RMDN2: variants seen among roughly 807,000 people sequenced by gnomAD.
RMDN2 encodes regulator of microtubule dynamics 2, also known as regulator of microtubule dynamics protein 2.
A neutral mutation model predicts 52.8 loss-of-function variants in RMDN2; 61 were observed. That is an observed-to-expected ratio of 1.16 (90% CI 0.94 to 1.43). The LOEUF is 1.43. RMDN2 is among the 40% of genes most tolerant of loss of function. RMDN2 has a pLI of 0.00. For synonymous variants in RMDN2, 180 were observed against 153.1 expected (o/e 1.18, Z -1.30); for missense variants, 592 against 475.3 (o/e 1.25, Z -2.28).
At chr2:37,997,102 A>G (rs1325995649) in intron 7 of RMDN2, among the ~76,000 whole-genome samples, 1 of 151,960 alleles carries the variant, frequency 6.6e-6, no homozygotes, top group Non-Finnish European at 1.5e-5. Flanking sequence ...ATTATTTCCC[A>G]CCCCACCCCT....
chr2:37,963,463 A>G (rs373039535), intron 2 of RMDN2, among the ~76,000 whole-genome samples: 1,867 of 152,106 alleles, frequency 0.012, 28 homozygotes, highest in African/African-American at 0.043. Context: ...AGGACCCTGC[A>G]GCCTTCCGCA....
intron 10 of RMDN2, among the ~76,000 whole-genome samples, chr2:38,042,447 A>AC (rs1681027207): frequency 8.8e-6 from 1 of 113,962 alleles, no homozygotes; most frequent in African/African-American, 2.6e-5. Context: ...CACACACCAC[A>AC]CACACACACA....
intron 10 of RMDN2, among the ~76,000 whole-genome samples, chr2:38,033,619 A>G (rs1192192111): frequency 6.6e-6 from 1 of 152,376 alleles, no homozygotes; most frequent in African/African-American, 2.4e-5. Flanking sequence ...TTCTCCGCAT[A>G]GATTAAAAGA....
chr2:37,981,566 A>T (rs1673322637), intron 5 of RMDN2, among the ~76,000 whole-genome samples: 1 of 152,222 alleles, frequency 6.6e-6, no homozygotes, highest in Non-Finnish European at 1.5e-5. Context: ...AAATTATTGA[A>T]TGAATCTACC....
At chr2:38,012,122 C>A (rs531682166) in intron 10 of RMDN2, among the ~76,000 whole-genome samples, 7 of 152,296 alleles carry the variant, frequency 4.6e-5, no homozygotes, top group Non-Finnish European at 1.0e-4. Context: ...CTGCACCACC[C>A]AGCCTGCCCT....
intron 6 of RMDN2, among the ~76,000 whole-genome samples, chr2:37,990,877 A>T (rs986746177): frequency 3.3e-5 from 5 of 152,048 alleles, no homozygotes; most frequent in African/African-American, 1.2e-4. Context: ...CCCCTATTCC[A>T]TGTCATTTGA....
At chr2:38,003,586 A>T (rs955777129) in intron 8 of RMDN2, among the ~76,000 whole-genome samples, 1 of 151,876 alleles carries the variant, frequency 6.6e-6, no homozygotes, top group East Asian at 1.9e-4. Context: ...ATAGATAGAT[A>T]GATAGATAGA....
chr2:37,964,006 C>T (rs1670676472), intron 2 of RMDN2, among the ~76,000 whole-genome samples: 1 of 150,998 alleles, frequency 6.6e-6, no homozygotes, highest in Non-Finnish European at 1.5e-5. Context: ...CCACCTCCCT[C>T]CCGGACGGGG....
rs145835952 is a variant in RMDN2 at position 37,946,147 on chromosome 2, G to A, written c.452+16418G>A. On this transcript the variant is annotated intron_variant, in intron 2 of 10. Transcript: ENST00000354545. ...CTTACCATCAATTAATAGCGTTATA[G>A]AACTGAATCATAATTTTATTGGCAA... is the stretch of plus-strand genomic sequence containing the variant. Among the ~76,000 whole-genome samples, 908 of 152,262 alleles carry A rather than the reference G, an allele frequency of 6.0e-3. 11 individuals are homozygous for A. The highest frequency in any genetic ancestry group is 0.02 in the African/African-American group (849 of 41,548).
chr2:37,979,529 A>G (rs1673024550), intron 4 of RMDN2, among the ~76,000 whole-genome samples: 1 of 152,226 alleles, frequency 6.6e-6, no homozygotes, highest in Admixed American at 6.5e-5. Flanking sequence ...GGAGAGTACA[A>G]AATTCTTTGA....
intron 5 of RMDN2, 44 bp downstream of exon 5, chr2:37,981,387 C>G (rs1311803673): frequency 1.6e-6 from 2 of 1,255,108 alleles, no homozygotes; most frequent in East Asian, 2.3e-5. Flanking sequence ...TCTAACCTGC[C>G]TCTTTATAAA....
chr2:37,955,422 A>T (rs1236467761), intron 2 of RMDN2, among the ~76,000 whole-genome samples: 1 of 152,118 alleles, frequency 6.6e-6, no homozygotes, highest in Non-Finnish European at 1.5e-5. Context: ...ATTTTGTCAA[A>T]TGCTTTTTCT....
chr2:37,952,343 A>G (rs1031063998), intron 2 of RMDN2: 2 of 715,980 alleles, frequency 2.8e-6, no homozygotes, highest in Non-Finnish European at 4.5e-6. Flanking sequence ...AGATTCCTAC[A>G]TTGCAGTGTA....
chr2:37,983,694 C>T (rs1572935280), intron 5 of RMDN2, among the ~76,000 whole-genome samples: 1 of 152,244 alleles, frequency 6.6e-6, no homozygotes, highest in East Asian at 1.9e-4. Flanking sequence ...ACTTGAGAAG[C>T]AATGGGTGAA....
chr2:37,998,814 A>G (rs773624026), intron 8 of RMDN2, among the ~76,000 whole-genome samples: 5 of 152,198 alleles, frequency 3.3e-5, no homozygotes, highest in Non-Finnish European at 7.4e-5. Flanking sequence ...AAAGGGAGTC[A>G]ATACCTCAGG....
chr2:37,931,718 A>G (rs1194617615), intron 2 of RMDN2, among the ~76,000 whole-genome samples: 2 of 152,252 alleles, frequency 1.3e-5, no homozygotes, highest in African/African-American at 2.4e-5. Flanking sequence ...GTAATGGTGT[A>G]GGCACAGATG....
At chr2:38,012,663 A>C in intron 10 of RMDN2, 1 of 448,994 alleles carries the variant, frequency 2.2e-6, no homozygotes, top group South Asian at 1.7e-5. Flanking sequence ...TGTAAGGTAT[A>C]TTTCCATTTC....
intron 10 of RMDN2, among the ~76,000 whole-genome samples, chr2:38,038,510 C>T (rs1472921170): frequency 6.6e-6 from 1 of 152,140 alleles, no homozygotes; most frequent in African/African-American, 2.4e-5. Flanking sequence ...GCCCGGTTAC[C>T]GCTGCCTGCA....
intron 10 of RMDN2, among the ~76,000 whole-genome samples, chr2:38,004,651 A>G (rs1292805855): frequency 1.3e-5 from 2 of 151,904 alleles, no homozygotes; most frequent in East Asian, 1.9e-4. Context: ...CCAGCCCCTG[A>G]CAGCCACCCT....
Sources: allele counts gnomAD v4.1 joint callset (sites outside exome capture counted in the v4.1 genomes callset), GRCh38; gene constraint gnomAD v4.1.1; transcripts MANE v1.5; gene names NCBI Gene and HGNC (gene_info 2026-07-23, HGNC 2026-07-21).